MCM9: variants seen among roughly 807,000 people sequenced by gnomAD.
The protein encoded by MCM9 is DNA helicase MCM9.
MCM9 carries 55 observed loss-of-function variants against 72.8 expected under a neutral mutation model. The observed-to-expected ratio is 0.76, with a 90% CI of 0.61 to 0.95. MCM9 has a LOEUF of 0.95. MCM9 is among the 40% of genes least tolerant of loss of function. MCM9 has a pLI of 0.00. For synonymous variants in MCM9, 480 were observed against 503.4 expected (o/e 0.95, Z 0.62); for missense variants, 1,279 against 1,377.0 (o/e 0.93, Z 1.13).
In MCM9 at chr6:118,813,503, T is replaced by C. The variant is rs1337265858; in HGVS notation, c.*1321A>G. 1 of 152,222 alleles carries C rather than the reference T, an allele frequency of 6.6e-6. No individual in the cohort carries two copies. The highest frequency in any genetic ancestry group is 1.5e-5 in the Non-Finnish European group (1 of 68,036). 9.4% of individuals were successfully genotyped at this position (152,222 alleles called of 1,614,324 possible). Reference sequence around the variant, plus strand: ...ATTAGTGAATTTTAGAACGTTTAAATGCTTAAGAAAAATTGGATTTTCTAA... The same window carrying C: ...ATTAGTGAATTTTAGAACGTTTAAACGCTTAAGAAAAATTGGATTTTCTAA... On this transcript the variant is annotated 3_prime_UTR_variant, in exon 14 of 14. Coordinates refer to ENST00000619706, the MANE Select transcript of MCM9 (RefSeq NM_017696.3).
At chr6:118,899,080 C>T (rs1252339412) in intron 8 of MCM9, among the ~76,000 whole-genome samples, 11 of 152,292 alleles carry the variant, frequency 7.2e-5, no homozygotes, top group Non-Finnish European at 1.0e-4. Context: ...AGGATTTTAT[C>T]CAGAATATAA....
chr6:118,830,979 C>A (rs565176885), intron 9 of MCM9, among the ~76,000 whole-genome samples: 2 of 152,208 alleles, frequency 1.3e-5, no homozygotes, highest in South Asian at 4.1e-4. Flanking sequence ...GGTGGGGACA[C>A]CTGGAGATCT....
chr6:118,908,037 T>C (rs1780290150), intron 8 of MCM9: 1 of 154,746 alleles, frequency 6.5e-6, no homozygotes, highest in African/African-American at 2.4e-5. Flanking sequence ...ACATATGGTA[T>C]CATTTTAATT....
intron 8 of MCM9, among the ~76,000 whole-genome samples, chr6:118,896,045 T>TG (rs1424324728): frequency 2.9e-4 from 43 of 148,426 alleles, no homozygotes; most frequent in African/African-American, 1.1e-3. Context: ...GCCCCCGTTT[T>TG]TTTTTTTTTT....
chr6:118,865,862 T>C (rs1777184770), intron 8 of MCM9, among the ~76,000 whole-genome samples: 1 of 151,780 alleles, frequency 6.6e-6, no homozygotes, highest in African/African-American at 2.4e-5. Flanking sequence ...AAAAAAGAGG[T>C]GGACATACAA....
At chr6:118,905,546 T>C in intron 8 of MCM9, 1 of 802,924 alleles carries the variant, frequency 1.2e-6, no homozygotes, top group Non-Finnish European at 1.9e-6. Context: ...CAAGTTTTTC[T>C]TGTTGCATCC....
intron 8 of MCM9, among the ~76,000 whole-genome samples, chr6:118,900,369 AAG>A (rs869038132): frequency 6.6e-6 from 1 of 152,188 alleles, no homozygotes; most frequent in Non-Finnish European, 1.5e-5. Context: ...TATACAAAAA[AAG>A]GGGGATTCCA....
chr6:118,888,939 G>C (rs1778779034), intron 8 of MCM9, among the ~76,000 whole-genome samples: 1 of 152,004 alleles, frequency 6.6e-6, no homozygotes, highest in Admixed American at 6.6e-5. Flanking sequence ...TGGGGAGGGG[G>C]ATGTGCTAAA....
chr6:118,909,710 A>T (rs939074954), intron 8 of MCM9, among the ~76,000 whole-genome samples: 11 of 152,192 alleles, frequency 7.2e-5, no homozygotes, highest in Non-Finnish European at 8.8e-5. Flanking sequence ...AACCTTATAC[A>T]ACTTTAGGCT....
At chr6:118,913,122 T>C (rs75660507) in intron 7 of MCM9, 173 bp downstream of exon 7, 21,766 of 671,432 alleles carry the variant, frequency 0.032, 449 homozygotes, top group Non-Finnish European at 0.04. Context: ...CTCTAGAAAG[T>C]AGCTTCTGAT....
chr6:118,830,312 T>C (rs191747337), intron 9 of MCM9, among the ~76,000 whole-genome samples: 1 of 152,324 alleles, frequency 6.6e-6, no homozygotes, highest in Non-Finnish European at 1.5e-5. Context: ...TAATCCCTGA[T>C]CTATTTCTAG....
At chr6:118,849,651 A>G (rs949476805) in intron 9 of MCM9, among the ~76,000 whole-genome samples, 2 of 151,808 alleles carry the variant, frequency 1.3e-5, no homozygotes, top group African/African-American at 4.9e-5. Flanking sequence ...TGGTCCTTCT[A>G]CTTAGAGACT....
Position 118,814,727 on chromosome 6 carries a change from G to C in MCM9, c.*97C>G. The C allele has an allele frequency of 8.3e-7, 1 of 1,200,654 alleles. No homozygotes were observed. The highest frequency in any genetic ancestry group is 1.1e-6 in the Non-Finnish European group (1 of 884,132). The allele number at this position is 1,200,654 out of a possible 1,614,324, so 74.4% of individuals were successfully genotyped here. ...AGTATTCAGAGTGATCCTCAATATG[G>C]CCAATTGTTCTATACATTTATAAAT... On this transcript the variant is annotated 3_prime_UTR_variant, in exon 14 of 14. Transcript: ENST00000619706.
chr6:118,844,903 T>A (rs563703972), intron 9 of MCM9, among the ~76,000 whole-genome samples: 1 of 151,990 alleles, frequency 6.6e-6, no homozygotes, highest in African/African-American at 2.4e-5. Context: ...TCATTACAGT[T>A]CTGGACAGGC....
intron 3 of MCM9, among the ~76,000 whole-genome samples, chr6:118,927,877 A>G (rs569732353): frequency 1.3e-5 from 2 of 152,344 alleles, no homozygotes; most frequent in South Asian, 4.1e-4. Context: ...CTTCTAGAGT[A>G]ACCTGAGCAA....
chr6:118,833,315 A>G (rs553582674), intron 9 of MCM9, among the ~76,000 whole-genome samples: 93 of 152,232 alleles, frequency 6.1e-4, no homozygotes, highest in Admixed American at 5.6e-3. Flanking sequence ...AGTGTTAGGG[A>G]AAAAAAATTG....
chr6:118,911,929 A>T, intron 7 of MCM9, 160 bp from the exon 8 acceptor site: 1 of 521,504 alleles, frequency 1.9e-6, no homozygotes, highest in South Asian at 3.1e-5. Context: ...TGTCATAAAC[A>T]GTCCTTAATT....
At chr6:118,837,206 T>G (rs1775021503) in intron 9 of MCM9, among the ~76,000 whole-genome samples, 1 of 152,240 alleles carries the variant, frequency 6.6e-6, no homozygotes, top group Admixed American at 6.5e-5. Context: ...AGTTCTAATT[T>G]GATTGCACTG....
At chr6:118,845,412 G>A (rs567815078) in intron 9 of MCM9, among the ~76,000 whole-genome samples, 22 of 151,880 alleles carry the variant, frequency 1.4e-4, no homozygotes, top group Admixed American at 4.6e-4. Context: ...AGCTGGAACC[G>A]CCATATAGCC....
Sources: allele counts gnomAD v4.1 joint callset (sites outside exome capture counted in the v4.1 genomes callset), GRCh38; gene constraint gnomAD v4.1.1; transcripts MANE v1.5; gene names NCBI Gene and HGNC (gene_info 2026-07-23, HGNC 2026-07-21).